The following KLF12 variants were observed in gnomAD, a reference collection of about 807,000 sequenced individuals.
The protein encoded by KLF12 is Krueppel-like factor 12.
KLF12 carries 9 observed loss-of-function variants against 37.8 expected under a neutral mutation model. That is an observed-to-expected ratio of 0.24 (90% confidence interval 0.14 to 0.42). KLF12 has a LOEUF of 0.42. KLF12 is among the 10% of genes least tolerant of loss of function. KLF12 has a pLI of 1.00. For synonymous variants in KLF12, 208 were observed against 202.1 expected (o/e 1.03, Z -0.25); for missense variants, 411 against 516.0 (o/e 0.80, Z 1.97).
chr13:74,036,171 C>T (rs1311600446), intron 1 of KLF12, among the ~76,000 whole-genome samples: 6 of 152,140 alleles, frequency 3.9e-5, no homozygotes, highest in Non-Finnish European at 7.4e-5. Context: ...TTCCTCAGAC[C>T]ATTTCCATAC....
intron 4 of KLF12, among the ~76,000 whole-genome samples, chr13:73,824,967 G>T (rs1248406969): frequency 2.6e-5 from 4 of 152,040 alleles, no homozygotes; most frequent in African/African-American, 9.7e-5. Flanking sequence ...TATTTGGGAG[G>T]CTGAAGTAGG....
In KLF12 at chr13:73,687,190, T is replaced by C. The variant is rs1055408929; in HGVS notation, c.*8300A>G. 8 of 152,654 alleles carry C rather than the reference T, an allele frequency of 5.2e-5. No homozygotes were observed. Among genetic ancestry groups the C allele is most frequent in the Admixed American group, 2.6e-4 (4 of 15,270 alleles). 9.5% of individuals were successfully genotyped at this position (152,654 alleles called of 1,614,324 possible). A position where few individuals can be genotyped will look rare whatever the true frequency, so the allele number is the denominator to read the frequency against. ...AATGAGCATGTTATGATACACATAA[T>C]TGCATTATGATGCAGGATGACATAA... is the stretch of plus-strand genomic sequence containing the variant. On this transcript the variant is annotated 3_prime_UTR_variant, in exon 8 of 8. Coordinates refer to ENST00000377669, the MANE Select transcript of KLF12 (RefSeq NM_007249.5).
intron 5 of KLF12, among the ~76,000 whole-genome samples, chr13:73,797,859 A>C (rs1882077279): frequency 6.6e-6 from 1 of 151,968 alleles, no homozygotes; most frequent in Non-Finnish European, 1.5e-5. Context: ...ACCCGCCACT[A>C]GAGGCCTGGT....
intron 1 of KLF12, among the ~76,000 whole-genome samples, chr13:74,064,290 C>T (rs1018133260): frequency 6.6e-6 from 1 of 152,128 alleles, no homozygotes; most frequent in South Asian, 2.1e-4. Flanking sequence ...ATGCATTTTA[C>T]CATACAATGA....
intron 5 of KLF12, among the ~76,000 whole-genome samples, chr13:73,769,795 A>G (rs1447418606): frequency 6.6e-6 from 1 of 152,220 alleles, no homozygotes; most frequent in Non-Finnish European, 1.5e-5. Flanking sequence ...CCTTAGAATA[A>G]CATGTGAGTC....
chr13:74,087,280 A>C (rs1875365461), intron 1 of KLF12, among the ~76,000 whole-genome samples: 1 of 152,310 alleles, frequency 6.6e-6, no homozygotes, highest in African/African-American at 2.4e-5. Context: ...GAACGTCGAC[A>C]CAGGTCCTCT....
chr13:73,820,318 G>A (rs535725817), intron 4 of KLF12, among the ~76,000 whole-genome samples: 1 of 152,224 alleles, frequency 6.6e-6, no homozygotes, highest in East Asian at 1.9e-4. Flanking sequence ...AGGTCTATGT[G>A]GCACGTCCTT....
At chr13:74,260,608 TA>T in the KLF12 span, among the ~76,000 whole-genome samples, 1 of 114,374 alleles carries the variant, frequency 8.7e-6, no homozygotes, top group Non-Finnish European at 1.6e-5. Flanking sequence ...TAAAATAAAA[TA>T]AAATAAAATA....
At chr13:73,993,085 T>C (rs78138658) in intron 2 of KLF12, among the ~76,000 whole-genome samples, 4 of 152,008 alleles carry the variant, frequency 2.6e-5, no homozygotes, top group Non-Finnish European at 5.9e-5. Context: ...TACAAAAAAT[T>C]AGCTAGGCAA....
intron 2 of KLF12, among the ~76,000 whole-genome samples, chr13:73,979,659 A>T (rs1342406690): frequency 2.0e-5 from 3 of 152,196 alleles, no homozygotes; most frequent in Non-Finnish European, 4.4e-5. Context: ...ATCATTATGA[A>T]ATAAACTAAA....
intron 1 of KLF12, among the ~76,000 whole-genome samples, chr13:74,120,223 T>G (rs1028623115): frequency 6.6e-6 from 1 of 152,222 alleles, no homozygotes; most frequent in Non-Finnish European, 1.5e-5. Flanking sequence ...GGCTCATGCC[T>G]GTAATCCCAG....
intron 7 of KLF12, among the ~76,000 whole-genome samples, chr13:73,714,858 T>TA (rs936823451): frequency 6.6e-6 from 1 of 151,936 alleles, no homozygotes; most frequent in Non-Finnish European, 1.5e-5. Flanking sequence ...TCTCCCTATA[T>TA]AAAAAAAATA....
chr13:74,072,312 A>C (rs1874297860), intron 1 of KLF12, among the ~76,000 whole-genome samples: 1 of 142,086 alleles, frequency 7.0e-6, no homozygotes, highest in South Asian at 2.2e-4. Context: ...AATTCTTATC[A>C]ACTCCTAAAT....
intron 7 of KLF12, among the ~76,000 whole-genome samples, chr13:73,708,218 T>C (rs908185463): frequency 2.6e-5 from 4 of 152,198 alleles, no homozygotes; most frequent in Admixed American, 1.3e-4. Context: ...ACCTTAAGTT[T>C]ACTAATTTTT....
chr13:74,195,622 G>A, the KLF12 span, among the ~76,000 whole-genome samples: 1 of 152,106 alleles, frequency 6.6e-6, no homozygotes, highest in Non-Finnish European at 1.5e-5. Flanking sequence ...GTTTTGAGAT[G>A]GGTTCTCACT....
At chr13:73,875,324 A>G (rs1315525431) in intron 3 of KLF12, among the ~76,000 whole-genome samples, 2 of 152,150 alleles carry the variant, frequency 1.3e-5, no homozygotes, top group African/African-American at 4.8e-5. Context: ...TATTTTCATT[A>G]CGATATAGTT....
At chr13:74,090,208 A>G (rs1418890025) in intron 1 of KLF12, among the ~76,000 whole-genome samples, 1 of 152,082 alleles carries the variant, frequency 6.6e-6, no homozygotes, top group Admixed American at 6.5e-5. Flanking sequence ...AAGTAATGAG[A>G]TACTTAATAA....
At chr13:74,034,462 A>G (rs1328981790) in intron 1 of KLF12, among the ~76,000 whole-genome samples, 2 of 152,204 alleles carry the variant, frequency 1.3e-5, no homozygotes, top group African/African-American at 4.8e-5. Flanking sequence ...AGGTTTCTTC[A>G]TGAAAAATAT....
chr13:74,114,633 T>C (rs1391413417), intron 1 of KLF12, among the ~76,000 whole-genome samples: 1 of 151,822 alleles, frequency 6.6e-6, no homozygotes, highest in Non-Finnish European at 1.5e-5. Flanking sequence ...TTAATAATAT[T>C]TACAGCAGAG....
Sources: gnomAD v4.1 joint callset for allele counts (sites outside exome capture counted in the v4.1 genomes callset) on GRCh38, gnomAD v4.1.1 for gene constraint, MANE v1.5 for transcripts, NCBI Gene and HGNC (gene_info 2026-07-23, HGNC 2026-07-21) for gene names.